The following GRPEL1 variants were observed in gnomAD, a reference collection of about 807,000 sequenced individuals.
The protein encoded by GRPEL1 is GrpE like 1, mitochondrial.
GRPEL1 carries 13 observed loss-of-function variants against 22.1 expected under a neutral mutation model. That is an observed-to-expected ratio of 0.59 (90% confidence interval 0.38 to 0.94). GRPEL1 has a LOEUF of 0.94. Among genes scored for constraint, GRPEL1 ranks in the 40% least tolerant of loss-of-function variants. The probability of loss-of-function intolerance (pLI) is 0.00; values close to 1 mark genes in which losing one functional copy is unlikely to be tolerated. For synonymous variants in GRPEL1, 109 were observed against 105.3 expected, an observed-to-expected ratio of 1.03 and a Z score of -0.21; for missense variants, 289 against 264.6, an observed-to-expected ratio of 1.09 and a Z score of -0.64.
Position 7,061,096 on chromosome 4 carries a change from G to C in GRPEL1, c.420C>G (p.Leu140=). 1 of 1,614,196 alleles carries C rather than the reference G, an allele frequency of 6.2e-7. No homozygotes were observed. Among genetic ancestry groups the C allele is most frequent in the African/African-American group, 1.3e-5 (1 of 75,054 alleles). Residue 140 remains leucine, a synonymous_variant, in exon 4 of 4, where the codon CTC becomes CTG. Coordinates refer to ENST00000264954, the MANE Select transcript of GRPEL1 (RefSeq NM_025196.4). ...IKDDNPHLKN[L]YEGLVMTEVQ... ...CTTCAGTCATGACCAGCCCCTCATA[G>C]AGGTTCTTCAGGTGAGGGTTATCGT...
chr4:7,061,131 C>G lies in GRPEL1; in HGVS notation c.385G>C (p.Glu129Gln). Residue 129 changes from glutamate (E) to glutamine (Q), a missense_variant, in exon 4 of 4, where the codon GAA becomes CAA. Physicochemically the swap from Glu to Gln is conservative, Grantham distance 29. Coordinates refer to ENST00000264954, the MANE Select transcript of GRPEL1 (RefSeq NM_025196.4). Reference protein sequence around the residue: ...EKATQCVPKEEIKDDNPHLKN... With the variant: ...EKATQCVPKEQIKDDNPHLKN... ...AGGTGAGGGTTATCGTCTTTAATTT[C>G]TTCTTTTGGAACACACTGTGTTGCC... The G allele has an allele frequency of 6.2e-7, 1 of 1,614,204 alleles. No homozygotes were observed. Among genetic ancestry groups the G allele is most frequent in the South Asian group, 1.1e-5 (1 of 91,086 alleles).
At position 7,064,115 on chromosome 4, in the gene GRPEL1, C is replaced by T; in HGVS notation, c.171G>A (p.Glu57=). 1 of 1,614,242 alleles carries T rather than the reference C, an allele frequency of 6.2e-7. No homozygotes were observed. Among genetic ancestry groups the T allele is most frequent in the African/African-American group, 1.3e-5 (1 of 75,058 alleles). ...SEQKADPPAT[E]KTLLEEKVKL... Reference sequence around the variant, plus strand: ...TGACCTTCTCTTCCAGGAGGGTCTTCTCTGTAGCAGGAGGATCTGCCTTCT... The same window carrying T: ...TGACCTTCTCTTCCAGGAGGGTCTTTTCTGTAGCAGGAGGATCTGCCTTCT... Residue 57 remains glutamate, a synonymous_variant, in exon 2 of 4, where the codon GAG becomes GAA. Coordinates refer to ENST00000264954, the MANE Select transcript of GRPEL1 (RefSeq NM_025196.4).
In GRPEL1 at chr4:7,060,665, C is replaced by T; in HGVS notation, c.*197G>A. ...GTATGTGGAACTATTCAACGCGTGG[C>T]ACTAAAAGGGAACAGACTCCCGAAT... On this transcript the variant is annotated 3_prime_UTR_variant, in exon 4 of 4. Coordinates refer to ENST00000264954, the MANE Select transcript of GRPEL1 (RefSeq NM_025196.4). 1.6e-6 allele frequency: 1 copy of T among 606,752 alleles called. No homozygotes were observed. The highest frequency in any genetic ancestry group is 2.9e-6 in the Non-Finnish European group (1 of 343,342). The allele number at this position is 606,752 out of a possible 1,614,324, so 37.6% of individuals were successfully genotyped here.
rs189714572 is a variant in GRPEL1 at position 7,060,585 on chromosome 4, A to G, written c.*277T>C. 1.0e-3 allele frequency: 468 copies of G among 465,832 alleles called. 3 individuals are homozygous for G. The highest frequency in any genetic ancestry group is 8.2e-3 in the African/African-American group (425 of 51,568). 28.9% of individuals were successfully genotyped at this position (465,832 alleles called of 1,614,324 possible). ...TGGTGTCAGCAGAGTCTGAGCAGAC[A>G]CGTTACTCATGATGCTCGGGAGACC... On this transcript the variant is annotated 3_prime_UTR_variant, in exon 4 of 4. Coordinates refer to ENST00000264954, the MANE Select transcript of GRPEL1 (RefSeq NM_025196.4).
At chr4:7,063,943 TG>T in intron 2 of GRPEL1, 117 bp downstream of exon 2, 1 of 1,201,126 alleles carries the variant, frequency 8.3e-7, no homozygotes, top group Non-Finnish European at 1.1e-6. Flanking sequence ...CTGCAGGCCA[TG>T]GACAACGGCT....
intron 1 of GRPEL1, among the ~76,000 whole-genome samples, chr4:7,067,101 C>T (rs1023448716): frequency 2.0e-5 from 3 of 152,252 alleles, no homozygotes; most frequent in African/African-American, 7.2e-5. Flanking sequence ...TGCTCTCCTT[C>T]AGGAAAGAAC....
At position 7,068,026 on chromosome 4, in the gene GRPEL1, C is replaced by T. The variant is rs374412855; in HGVS notation, c.7G>A (p.Ala3Thr). MA[A>T]QCVRLARRSL... ...CGCCGCGCCAACCTCACGCACTGAG[C>T]CGCCATGACTGCCACTGCCCGTCGC... Residue 3 changes from alanine (A) to threonine (T), a missense_variant, in exon 1 of 4, where the codon GCT becomes ACT. Physicochemically the swap from Ala to Thr is moderately conservative, Grantham distance 58 (BLOSUM62 0). Coordinates refer to ENST00000264954, the MANE Select transcript of GRPEL1 (RefSeq NM_025196.4). 3.7e-6 allele frequency: 6 copies of T among 1,612,666 alleles called. No individual in the cohort carries two copies. The highest frequency in any genetic ancestry group is 2.7e-5 in the African/African-American group (2 of 74,946).
intron 1 of GRPEL1, among the ~76,000 whole-genome samples, chr4:7,067,714 A>G (rs7666504): frequency 0.96 from 146,971 of 152,372 alleles, 70,917 homozygotes; most frequent in East Asian, 1. Flanking sequence ...TTCCGAGCCA[A>G]ACGCCCCCCG....
In GRPEL1 at chr4:7,067,693, GCCACCGTACCTTCCGA is replaced by G. The variant is rs1316902096; in HGVS notation, c.62+262_62+277del. ...GGCCCTGGACCACACGCGCACGTGG[GCCACCGTACCTTCCGA>G]GCCAAACGCCCCCCGCGCTGCGGTC... On this transcript the variant is annotated intron_variant, in intron 1 of 3. Coordinates refer to ENST00000264954, the MANE Select transcript of GRPEL1 (RefSeq NM_025196.4). 5.9e-6 allele frequency: 3 copies of G among 510,816 alleles called. No individual in the cohort carries two copies. In the Admixed American group the frequency reaches 1.2e-4, roughly 20 times the overall value. 31.6% of individuals were successfully genotyped at this position (510,816 alleles called of 1,614,324 possible).
rs1433240053 is a variant in GRPEL1 at position 7,066,940 on chromosome 4, C to G, written c.62+1031G>C. 6.6e-5 allele frequency among the ~76,000 whole-genome samples: 10 copies of G among 152,254 alleles called. No individual in the cohort carries two copies. The East Asian group carries it at 1.9e-3, about 29-fold the overall frequency. ...ACTTTCCTGGCAATTAATTCCAATA[C>G]AAAACCACCAATTACTTGACCAAAG... On this transcript the variant is annotated intron_variant, in intron 1 of 3. Transcript: ENST00000264954.
At chr4:7,062,350 T>G (rs920924765) in intron 3 of GRPEL1, 35 bp downstream of exon 3, 1 of 1,139,890 alleles carries the variant, frequency 8.8e-7, no homozygotes, top group Non-Finnish European at 1.3e-6. Flanking sequence ...CATTATCTTC[T>G]TTCCGGAATC....
intron 1 of GRPEL1, among the ~76,000 whole-genome samples, chr4:7,067,135 G>A (rs1337889306): frequency 6.6e-6 from 1 of 152,188 alleles, no homozygotes; most frequent in East Asian, 1.9e-4. Context: ...CCAGCTTTTG[G>A]CCAATTTGGC....
intron 2 of GRPEL1, among the ~76,000 whole-genome samples, chr4:7,062,757 C>A (rs1486383353): frequency 6.6e-6 from 1 of 152,076 alleles, no homozygotes; most frequent in Non-Finnish European, 1.5e-5. Flanking sequence ...TGTGATCCGA[C>A]CGCCTCGGCC....
rs1315632614 is a variant in GRPEL1 at position 7,060,247 on chromosome 4, A to C, written c.*615T>G. The C allele has an allele frequency of 6.5e-6, 1 of 153,060 alleles. No individual in the cohort carries two copies. The highest frequency in any genetic ancestry group is 1.5e-5 in the Non-Finnish European group (1 of 68,674). 9.5% of individuals were successfully genotyped at this position (153,060 alleles called of 1,614,324 possible). A position where few individuals can be genotyped will look rare whatever the true frequency, so the allele number is the denominator to read the frequency against. On this transcript the variant is annotated 3_prime_UTR_variant, in exon 4 of 4. Coordinates refer to ENST00000264954, the MANE Select transcript of GRPEL1 (RefSeq NM_025196.4). ...CATTTAGATGAACAGAACAGGGTAA[A>C]AGGAACTTTGCCAAGCCAAGCTCAA...
At chr4:7,062,846 G>C (rs1015966642) in intron 2 of GRPEL1, among the ~76,000 whole-genome samples, 1 of 152,114 alleles carries the variant, frequency 6.6e-6, no homozygotes, top group Non-Finnish European at 1.5e-5. Context: ...AAAGTCATAG[G>C]AAAGCGAGCT....
At chr4:7,061,692 CAA>C (rs1203395637) in intron 3 of GRPEL1, 1 of 157,130 alleles carries the variant, frequency 6.4e-6, no homozygotes. Flanking sequence ...CACATTACCA[CAA>C]AGAGAGGCGG....
intron 2 of GRPEL1, among the ~76,000 whole-genome samples, chr4:7,063,711 C>T (rs1282653941): frequency 6.6e-6 from 1 of 152,230 alleles, no homozygotes; most frequent in East Asian, 1.9e-4. Context: ...TCACATAAAA[C>T]CACACTCCTG....
At chr4:7,066,264 G>C (rs189173878) in intron 1 of GRPEL1, among the ~76,000 whole-genome samples, 2 of 152,196 alleles carry the variant, frequency 1.3e-5, no homozygotes, top group Non-Finnish European at 2.9e-5. Flanking sequence ...CACTGCGAGC[G>C]ACAAGTTGGA....
chr4:7,061,013 G>T lies in GRPEL1; in HGVS notation c.503C>A (p.Ala168Asp). ...CTCATGTTCATAAGGGTCGAACTTG[G>T]CTCCGACAGGGTTCAACTTGAGCAA... The part of the protein sequence containing the change: ...HGLLKLNPVG[A>D]KFDPYEHEAL... The change falls in exon 4 of 4, where the codon GCC becomes GAC. Residue 168 changes from alanine (A) to aspartate (D), a missense_variant. Ala to Asp is a moderately radical substitution (Grantham distance 126, BLOSUM62 -2). Transcript: ENST00000264954. 1 of 1,614,186 alleles carries T rather than the reference G, an allele frequency of 6.2e-7. No individual in the cohort carries two copies. Among genetic ancestry groups the T allele is most frequent in the South Asian group, 1.1e-5 (1 of 91,084 alleles).
Sources: allele counts gnomAD v4.1 joint callset (sites outside exome capture counted in the v4.1 genomes callset), GRCh38; gene constraint gnomAD v4.1.1; transcripts MANE v1.5; gene names NCBI Gene and HGNC (gene_info 2026-07-23, HGNC 2026-07-21).